The following KCNQ1OT1 variants were observed in gnomAD, a reference collection of about 807,000 sequenced individuals.
The protein encoded by KCNQ1OT1 is KCNQ1 opposite strand/antisense transcript 1.
rs1848984823 is a variant in KCNQ1OT1, at chr11:2,611,929, T to C, written n.88066A>G. On this transcript the variant is annotated non_coding_transcript_exon_variant, in exon 1 of 1. Transcript: ENST00000597346. The surrounding 1 kb of genome is among the most constrained non-coding windows in gnomAD (Gnocchi z 5.3). Reference sequence around the variant, plus strand: ...GCAGCTTAAGCAAAAACAATCTGCTTCAGGTTAATAATCTACTCAAATATT... The same window carrying C: ...GCAGCTTAAGCAAAAACAATCTGCTCCAGGTTAATAATCTACTCAAATATT... 5.0e-6 allele frequency: 2 copies of C among 398,474 alleles called. No individual in the cohort carries two copies. The highest frequency in any genetic ancestry group is 8.8e-6 in the Non-Finnish European group (2 of 226,064). 24.7% of individuals were successfully genotyped at this position (398,474 alleles called of 1,614,324 possible). A position where few individuals can be genotyped will look rare whatever the true frequency, so the allele number is the denominator to read the frequency against.
At position 2,682,755 on chromosome 11, in the gene KCNQ1OT1, T is replaced by G; in HGVS notation, n.17240A>C. On this transcript the variant is annotated non_coding_transcript_exon_variant, in exon 1 of 1. Transcript: ENST00000597346. This position sits in a 1 kb window ranked among gnomAD's most constrained non-coding sequence, Gnocchi z 5.8. ...TCCCCTTGAGCCCACTCATCTCTGT[T>G]GACATTCTAGAAATGCAGGGAAATC... The G allele has an allele frequency of 2.5e-6, 1 of 398,680 alleles. No individual in the cohort carries two copies. Among genetic ancestry groups the G allele is most frequent in the Non-Finnish European group, 4.4e-6 (1 of 226,108 alleles). The allele number at this position is 398,680 out of a possible 1,614,324, so 24.7% of individuals were successfully genotyped here.
At chr11:2,618,440 C>T (rs758470823) in exon 1 of KCNQ1OT1, 5 of 398,414 alleles carry the variant, frequency 1.3e-5, no homozygotes, top group African/African-American at 6.2e-5. Flanking sequence ...GGTTTCCTAA[C>T]GTCATTTATG....
In KCNQ1OT1 at chr11:2,675,217, A is replaced by G. The variant is rs1314538287; in HGVS notation, n.24778T>C. 1.8e-5 allele frequency: 7 copies of G among 398,502 alleles called. No individual in the cohort carries two copies. The East Asian group carries it at 2.5e-4, about 14-fold the overall frequency. The allele number at this position is 398,502 out of a possible 1,614,324, so 24.7% of individuals were successfully genotyped here. On this transcript the variant is annotated non_coding_transcript_exon_variant, in exon 1 of 1. Coordinates refer to ENST00000597346, the Ensembl canonical transcript of KCNQ1OT1. The stretch of plus-strand genomic sequence containing the variant: ...GTCAATATTGTGTCATTTCCCCAGA[A>G]TAGCCAGGGCCAAACCAGCTCCCAA...
exon 1 of KCNQ1OT1, chr11:2,618,642 TTTCAGAACAG>T (rs1371212491): frequency 2.5e-5 from 10 of 398,504 alleles, no homozygotes; most frequent in Non-Finnish European, 4.0e-5. Context: ...TCCCTTTGTT[TTTCAGAACAG>T]AATTTTCAGA....
exon 1 of KCNQ1OT1, chr11:2,680,571 T>C (rs1436017535): frequency 5.0e-6 from 2 of 398,460 alleles, no homozygotes; most frequent in Non-Finnish European, 8.8e-6. Context: ...AAATCTTACA[T>C]ACTCCTTTAC....
rs115473268 is a variant in KCNQ1OT1 at position 2,690,861 on chromosome 11, G to C, written n.9134C>G. 5.2e-3 allele frequency: 2,089 copies of C among 398,608 alleles called. 39 individuals are homozygous for C. The highest frequency in any genetic ancestry group is 0.034 in the African/African-American group (1,659 of 48,724). The allele number at this position is 398,608 out of a possible 1,614,324, so 24.7% of individuals were successfully genotyped here. On this transcript the variant is annotated non_coding_transcript_exon_variant, in exon 1 of 1. Transcript: ENST00000597346. This position sits in a 1 kb window ranked among gnomAD's most constrained non-coding sequence, Gnocchi z 5.1. Reference sequence around the variant, plus strand: ...CCACTGTTAGGAACAGGTACCTTTAGGGACACAGGAGTGTAAGCCACTGTT... The same window carrying C: ...CCACTGTTAGGAACAGGTACCTTTACGGACACAGGAGTGTAAGCCACTGTT...
exon 1 of KCNQ1OT1, chr11:2,675,834 C>T (rs1478296102): frequency 1.3e-5 from 5 of 398,600 alleles, no homozygotes; most frequent in Middle Eastern, 6.2e-4. Context: ...ACTGCCCTAC[C>T]GTGCATCCAC....
Position 2,618,488 on chromosome 11 carries a change from T to C in KCNQ1OT1, n.81507A>G, listed in dbSNP as rs191366320. On this transcript the variant is annotated non_coding_transcript_exon_variant, in exon 1 of 1. Transcript: ENST00000597346. ...TTTCTGCATTGTTTTCTTCGTGTTC[T>C]TGTGGAAAATTGGTTGATCATATAT... 234 of 398,612 alleles carry C rather than the reference T, an allele frequency of 5.9e-4. No individual in the cohort carries two copies. Among genetic ancestry groups the C allele is most frequent in the African/African-American group, 4.5e-3 (220 of 48,760 alleles). The allele number at this position is 398,612 out of a possible 1,614,324, so 24.7% of individuals were successfully genotyped here.
In KCNQ1OT1 at chr11:2,691,384, G is replaced by A; in HGVS notation, n.8611C>T. On this transcript the variant is annotated non_coding_transcript_exon_variant, in exon 1 of 1. Coordinates refer to ENST00000597346, the Ensembl canonical transcript of KCNQ1OT1. This position sits in a 1 kb window ranked among gnomAD's most constrained non-coding sequence, Gnocchi z 6.4. ...ATCTTGGGCTCAGGCCTCTGGGTCTGGGCATAGAAGCCCAGGAACTGCTGT... is the reference window on the plus strand; with the variant it reads ...ATCTTGGGCTCAGGCCTCTGGGTCTAGGCATAGAAGCCCAGGAACTGCTGT... 1 of 398,658 alleles carries A rather than the reference G, an allele frequency of 2.5e-6. No individual in the cohort carries two copies. The allele number at this position is 398,658 out of a possible 1,614,324, so 24.7% of individuals were successfully genotyped here. A position where few individuals can be genotyped will look rare whatever the true frequency, so the allele number is the denominator to read the frequency against.
Position 2,670,958 on chromosome 11 carries a change from G to A in KCNQ1OT1, n.29037C>T, listed in dbSNP as rs1182923943. The A allele has an allele frequency of 5.0e-6, 2 of 398,524 alleles. No homozygotes were observed. The highest frequency in any genetic ancestry group is 7.1e-5 in the East Asian group (2 of 28,080). The allele number at this position is 398,524 out of a possible 1,614,324, so 24.7% of individuals were successfully genotyped here. On this transcript the variant is annotated non_coding_transcript_exon_variant, in exon 1 of 1. Transcript: ENST00000597346. This position sits in a 1 kb window ranked among gnomAD's most constrained non-coding sequence, Gnocchi z 4.9. ...AGGCCCAGCTTCATGCCTTCTTATG[G>A]TGCCCCAGAGCCCCTGGCTAGGCAT...
rs1476699485 is a variant in KCNQ1OT1 at position 2,617,245 on chromosome 11, C to T, written n.82750G>A. 5 of 398,202 alleles carry T rather than the reference C, an allele frequency of 1.3e-5. No individual in the cohort carries two copies. Among genetic ancestry groups the T allele is most frequent in the Non-Finnish European group, 2.2e-5 (5 of 225,920 alleles). The allele number at this position is 398,202 out of a possible 1,614,324, so 24.7% of individuals were successfully genotyped here. A position where few individuals can be genotyped will look rare whatever the true frequency, so the allele number is the denominator to read the frequency against. ...TCCATTTTCTTCCCCCACACCTTGC[C>T]CATGGTAACCACTAGTTTATTCTAT... On this transcript the variant is annotated non_coding_transcript_exon_variant, in exon 1 of 1. Transcript: ENST00000597346. The surrounding 1 kb of genome is among the most constrained non-coding windows in gnomAD (Gnocchi z 4.6).
In KCNQ1OT1 at chr11:2,624,304, A is replaced by C. The variant is rs1457673400; in HGVS notation, n.75691T>G. On this transcript the variant is annotated non_coding_transcript_exon_variant, in exon 1 of 1. Transcript: ENST00000597346. This position sits in a 1 kb window ranked among gnomAD's most constrained non-coding sequence, Gnocchi z 4.9. Reference sequence around the variant, plus strand: ...TTGTTATGTTTTTAAGGTTCTTTATATATTTTGGATGAGTCCTTTATCAGG... The same window carrying C: ...TTGTTATGTTTTTAAGGTTCTTTATCTATTTTGGATGAGTCCTTTATCAGG... The C allele has an allele frequency of 2.5e-6, 1 of 398,382 alleles. No homozygotes were observed. The highest frequency in any genetic ancestry group is 4.4e-6 in the Non-Finnish European group (1 of 226,026). The allele number at this position is 398,382 out of a possible 1,614,324, so 24.7% of individuals were successfully genotyped here. A position where few individuals can be genotyped will look rare whatever the true frequency, so the allele number is the denominator to read the frequency against.
In KCNQ1OT1 at chr11:2,654,559, G is replaced by A. The variant is rs572667729; in HGVS notation, n.45436C>T. On this transcript the variant is annotated non_coding_transcript_exon_variant, in exon 1 of 1. Transcript: ENST00000597346. The surrounding 1 kb of genome is among the most constrained non-coding windows in gnomAD (Gnocchi z 6.4). ...TGGGTTACACCTGGGAGATTAGGCC[G>A]GATTTTAATCAATCAGGAGGGGAAG... 9.7e-4 allele frequency: 386 copies of A among 398,668 alleles called. 1 individual carries two copies. The highest frequency in any genetic ancestry group is 1.9e-3 in the Middle Eastern group (3 of 1,588). 24.7% of individuals were successfully genotyped at this position (398,668 alleles called of 1,614,324 possible). A position where few individuals can be genotyped will look rare whatever the true frequency, so the allele number is the denominator to read the frequency against.
At chr11:2,672,309 G>A in exon 1 of KCNQ1OT1, 1 of 398,580 alleles carries the variant, frequency 2.5e-6, no homozygotes, top group Non-Finnish European at 4.4e-6. Context: ...CTCCAGGTGG[G>A]AGCTCAAGGG....
chr11:2,682,033 A>G lies in KCNQ1OT1; in HGVS notation n.17962T>C. 2.5e-6 allele frequency: 1 copy of G among 398,230 alleles called. No individual in the cohort carries two copies. The highest frequency in any genetic ancestry group is 4.4e-6 in the Non-Finnish European group (1 of 225,970). 24.7% of individuals were successfully genotyped at this position (398,230 alleles called of 1,614,324 possible). A position where few individuals can be genotyped will look rare whatever the true frequency, so the allele number is the denominator to read the frequency against. ...CAGCTTTTAACACAAGAATATTATC[A>G]CTCCTGTTTTATAGATAATCTCCTA... On this transcript the variant is annotated non_coding_transcript_exon_variant, in exon 1 of 1. Coordinates refer to ENST00000597346, the Ensembl canonical transcript of KCNQ1OT1. The surrounding 1 kb of genome is among the most constrained non-coding windows in gnomAD (Gnocchi z 5.8).
Position 2,623,256 on chromosome 11 carries a change from A to G in KCNQ1OT1, n.76739T>C, listed in dbSNP as rs372347869. ...GTACAGCCTACAAAACTGTGAGTCA[A>G]TTAAACCTCTTTTCTCACAAATTAC... On this transcript the variant is annotated non_coding_transcript_exon_variant, in exon 1 of 1. Transcript: ENST00000597346. This position sits in a 1 kb window ranked among gnomAD's most constrained non-coding sequence, Gnocchi z 5.2. The G allele has an allele frequency of 1.3e-5, 5 of 398,752 alleles. No homozygotes were observed. The highest frequency in any genetic ancestry group is 3.6e-5 in the East Asian group (1 of 28,076). The allele number at this position is 398,752 out of a possible 1,614,324, so 24.7% of individuals were successfully genotyped here. A position where few individuals can be genotyped will look rare whatever the true frequency, so the allele number is the denominator to read the frequency against.
exon 1 of KCNQ1OT1, chr11:2,616,565 AT>A (rs1349666953): frequency 7.5e-6 from 3 of 397,962 alleles, no homozygotes; most frequent in Non-Finnish European, 1.3e-5. Flanking sequence ...ACTACATCCC[AT>A]AAGTCTGAGT....
chr11:2,635,614 G>T (rs1243159514), exon 1 of KCNQ1OT1: 1 of 152,146 alleles, frequency 6.6e-6, no homozygotes, highest in Admixed American at 6.5e-5. Context: ...GTCAGGTAGC[G>T]TGATGCCTCC....
exon 1 of KCNQ1OT1, chr11:2,631,481 G>T (rs1849352257): frequency 5.1e-6 from 2 of 393,626 alleles, no homozygotes; most frequent in South Asian, 1.3e-4. Context: ...GTGTATTAAT[G>T]ATTTCATTAG....
Sources: allele counts gnomAD v4.1 joint callset, GRCh38; gene constraint gnomAD v4.1.1; non-coding constraint Gnocchi (gnomAD v3.1); transcripts MANE v1.5; gene names NCBI Gene and HGNC (gene_info 2026-07-23, HGNC 2026-07-21).